DPY19L4: variants seen among roughly 807,000 people sequenced by gnomAD.
The protein encoded by DPY19L4 is probable C-mannosyltransferase DPY19L4.
A neutral mutation model predicts 102.8 loss-of-function variants in DPY19L4; 97 were observed. The ratio of observed to expected loss-of-function variants is 0.94; its 90% CI spans 0.80 to 1.12. DPY19L4 has a LOEUF of 1.12. Ranked by LOEUF, DPY19L4 falls within the 50% of genes most tolerant of loss-of-function variation. DPY19L4 has a pLI of 0.00. For synonymous variants in DPY19L4, 252 were observed against 283.1 expected, an observed-to-expected ratio of 0.89 and a Z score of 1.10; for missense variants, 815 against 850.4, an observed-to-expected ratio of 0.96 and a Z score of 0.52.
Position 94,739,494 on chromosome 8 carries a change from A to G in DPY19L4, c.425A>G (p.Glu142Gly). The G allele has an allele frequency of 6.2e-7, 1 of 1,608,210 alleles. No homozygotes were observed. Among genetic ancestry groups the G allele is most frequent in the Non-Finnish European group, 8.5e-7 (1 of 1,178,576 alleles). ...GTGCAGCAAATGTCTCTGTATCCGG[A>G]ACTTATTGCTAGCATTTTATATCAA... is the stretch of plus-strand genomic sequence containing the variant. ...NAVQQMSLYP[E>G]LIASILYQAT... Residue 142 changes from glutamate (E) to glycine (G), a missense_variant, in exon 5 of 19, where the codon GAA becomes GGA. Physicochemically the swap from Glu to Gly is moderately conservative, Grantham distance 98. Transcript: ENST00000414645.
intron 4 of DPY19L4, 42 bp downstream of exon 4, chr8:94,738,501 T>TTTTTC (rs1442874037): frequency 3.1e-6 from 4 of 1,290,948 alleles, no homozygotes; most frequent in Non-Finnish European, 4.2e-6. Flanking sequence ...AGTATTTTCC[T>TTTTTC]TTTTCTTTTC....
At chr8:94,773,370 A>G (rs1168443726) in intron 13 of DPY19L4, among the ~76,000 whole-genome samples, 3 of 152,156 alleles carry the variant, frequency 2.0e-5, no homozygotes, top group African/African-American at 4.8e-5. Context: ...AAATTCTTCA[A>G]TTAGGTTACT....
chr8:94,783,914 G>A (rs1441744617), intron 17 of DPY19L4, 112 bp downstream of exon 17: 37 of 1,218,018 alleles, frequency 3.0e-5, no homozygotes, highest in Non-Finnish European at 3.9e-5. Flanking sequence ...AACAATTTTA[G>A]AAGAGTTAAT....
At chr8:94,766,272 G>A (rs1784786597) in intron 10 of DPY19L4, among the ~76,000 whole-genome samples, 1 of 152,220 alleles carries the variant, frequency 6.6e-6, no homozygotes, top group Admixed American at 6.5e-5. Context: ...CTACTTGGGA[G>A]GCTGAGGCAG....
chr8:94,726,295 A>T, intron 1 of DPY19L4, 36 bp from the exon 2 acceptor site: 1 of 1,547,364 alleles, frequency 6.5e-7, no homozygotes. Flanking sequence ...AAACAATTTT[A>T]TACACACATT....
intron 2 of DPY19L4, among the ~76,000 whole-genome samples, chr8:94,726,830 A>T (rs1251162788): frequency 1.3e-5 from 2 of 152,180 alleles, no homozygotes; most frequent in African/African-American, 2.4e-5. Context: ...AGACGATGGG[A>T]TGTGAAGTAT....
At chr8:94,783,623 T>C (rs1813526642) in intron 16 of DPY19L4, 47 bp from the exon 17 acceptor site, 3 of 1,600,932 alleles carry the variant, frequency 1.9e-6, no homozygotes, top group South Asian at 2.3e-5. Flanking sequence ...GTGATCTAAA[T>C]AGTATACTTG....
At chr8:94,777,616 T>C in intron 13 of DPY19L4, 50 bp from the exon 14 acceptor site, 1 of 1,559,468 alleles carries the variant, frequency 6.4e-7, no homozygotes, top group Non-Finnish European at 8.7e-7. Flanking sequence ...AATTAGATAA[T>C]AATGATGTTC....
chr8:94,784,172 G>A (rs578228543), intron 17 of DPY19L4, among the ~76,000 whole-genome samples: 243 of 147,992 alleles, frequency 1.6e-3, no homozygotes, highest in African/African-American at 5.6e-3. Context: ...GCCTCCAAGC[G>A]ATTCTCCTGC....
intron 7 of DPY19L4, among the ~76,000 whole-genome samples, chr8:94,757,513 G>T (rs565601927): frequency 4.6e-5 from 7 of 152,070 alleles, no homozygotes; most frequent in African/African-American, 1.4e-4. Context: ...GGGCTCAAGC[G>T]ATTCTCCTGC....
intron 6 of DPY19L4, among the ~76,000 whole-genome samples, chr8:94,754,360 G>A (rs945962798): frequency 1.3e-5 from 2 of 152,122 alleles, no homozygotes; most frequent in Admixed American, 6.6e-5. Flanking sequence ...ATAACGTGCC[G>A]AGCCTGGTTG....
chr8:94,740,792 CT>C (rs1811412605), intron 6 of DPY19L4, among the ~76,000 whole-genome samples: 1 of 152,082 alleles, frequency 6.6e-6, no homozygotes, highest in Non-Finnish European at 1.5e-5. Flanking sequence ...CTCTATTCAA[CT>C]GTCACTGCCT....
chr8:94,726,860 G>A (rs1206516357), intron 2 of DPY19L4, among the ~76,000 whole-genome samples: 1 of 152,176 alleles, frequency 6.6e-6, no homozygotes, highest in African/African-American at 2.4e-5. Flanking sequence ...ACAGGGAAGT[G>A]TTCCAGGTCA....
chr8:94,754,116 C>T (rs1174786316), intron 6 of DPY19L4, among the ~76,000 whole-genome samples: 5 of 151,856 alleles, frequency 3.3e-5, no homozygotes, highest in Admixed American at 6.6e-5. Context: ...CCTGGGAGGT[C>T]GAGGCTGCAG....
intron 17 of DPY19L4, 123 bp from the exon 18 acceptor site, chr8:94,787,771 A>G (rs1356208482): frequency 3.2e-6 from 1 of 307,794 alleles, no homozygotes. Context: ...TTTTTCATAT[A>G]TAATCGTACT....
At position 94,783,690 on chromosome 8, in the gene DPY19L4, C is replaced by T. The variant is rs1336863505; in HGVS notation, c.1736C>T (p.Ala579Val). ...TGCAGAAGGCAAGCTCCAGTTGCAG[C>T]TGTGTTTGCAGGGAGTCCACAGTTA... ...TWIKRQAPVAAVFAGSPQLMG... is the reference protein window; with the variant it reads ...TWIKRQAPVAVVFAGSPQLMG... The change falls in exon 17 of 19, where the codon GCT becomes GTT. Residue 579 changes from alanine to valine, a missense_variant. Physicochemically the swap from Ala to Val is moderately conservative, Grantham distance 64. Coordinates refer to ENST00000414645, the MANE Select transcript of DPY19L4 (RefSeq NM_181787.3). 1.9e-6 allele frequency: 3 copies of T among 1,613,840 alleles called. No individual in the cohort carries two copies. Among genetic ancestry groups the T allele is most frequent in the African/African-American group, 1.3e-5 (1 of 74,920 alleles).
At chr8:94,781,911 T>C (rs1813447209) in intron 16 of DPY19L4, among the ~76,000 whole-genome samples, 1 of 152,174 alleles carries the variant, frequency 6.6e-6, no homozygotes, top group East Asian at 1.9e-4. Flanking sequence ...TTAAAAGTGG[T>C]TTGGGGTTGG....
intron 15 of DPY19L4, 21 bp downstream of exon 15, chr8:94,780,436 T>C: frequency 7.2e-7 from 1 of 1,398,058 alleles, no homozygotes; most frequent in Non-Finnish European, 9.5e-7. Context: ...TAGATTTTTA[T>C]ATTAATAAAA....
chr8:94,754,839 A>G (rs1812088750), intron 6 of DPY19L4, among the ~76,000 whole-genome samples: 1 of 152,144 alleles, frequency 6.6e-6, no homozygotes, highest in African/African-American at 2.4e-5. Flanking sequence ...CCCAGCCTGG[A>G]GTGCAGTGGT....
Sources: gnomAD v4.1 joint callset for allele counts (sites outside exome capture counted in the v4.1 genomes callset) on GRCh38, gnomAD v4.1.1 for gene constraint, MANE v1.5 for transcripts, NCBI Gene and HGNC (gene_info 2026-07-23, HGNC 2026-07-21) for gene names.